PLXNB1: variants seen among roughly 807,000 people sequenced by gnomAD.
The protein encoded by PLXNB1 is plexin B1, also known as plexin-B1.
In PLXNB1, 106 loss-of-function variants were observed where a neutral mutation model predicts 209.4. The observed-to-expected ratio is 0.51, with a 90% CI of 0.43 to 0.59. The LOEUF is 0.59. Ranked by LOEUF, PLXNB1 falls within the 20% of genes least tolerant of loss-of-function variation. PLXNB1 has a pLI of 0.00. For synonymous variants in PLXNB1, 1,167 were observed against 1,183.2 expected (o/e 0.99, Z 0.28); for missense variants, 2,357 against 2,853.2 (o/e 0.83, Z 3.96).
chr3:48,421,962 C>T, intron 6 of PLXNB1, 143 bp downstream of exon 6: 1 of 1,325,086 alleles, frequency 7.5e-7, no homozygotes. Flanking sequence ...ATGCCCAGTG[C>T]AGAGGATGGG....
In PLXNB1 at chr3:48,406,972, C is replaced by A; in HGVS notation, c.6152+55G>T. The A allele has an allele frequency of 6.2e-7, 1 of 1,609,598 alleles. No homozygotes were observed. The highest frequency in any genetic ancestry group is 8.5e-7 in the Non-Finnish European group (1 of 1,175,922). On this transcript the variant is annotated intron_variant, in intron 35 of 37. Transcript: ENST00000296440. This position sits in a 1 kb window ranked among gnomAD's most constrained non-coding sequence, Gnocchi z 4.4. The stretch of plus-strand genomic sequence containing the variant: ...CCCTGCTCCCAACCAGAGCCCACCC[C>A]CCAAGCCTCAGCTGCACACGCCCTC...
chr3:48,415,770 A>T lies in PLXNB1; in HGVS notation c.3618-11T>A, dbSNP rs1333030143. 25 of 1,539,700 alleles carry T rather than the reference A, an allele frequency of 1.6e-5. No homozygotes were observed. Among genetic ancestry groups the T allele is most frequent in the African/African-American group, 2.7e-5 (2 of 72,850 alleles). ...TGCTGCTCCGGCAGCCTGGGAGGGG[A>T]GGTGGGAATGAATGCAGGGGCGCAG... On this transcript the variant is annotated splice_polypyrimidine_tract_variant and intron_variant, in intron 18 of 37. Transcript: ENST00000296440. The surrounding 1 kb of genome is among the most constrained non-coding windows in gnomAD (Gnocchi z 5.0).
rs368207595 is a variant in PLXNB1, at chr3:48,415,370, G to A, written c.3795-23C>T. The A allele has an allele frequency of 1.1e-5, 18 of 1,607,662 alleles. No individual in the cohort carries two copies. The highest frequency in any genetic ancestry group is 3.3e-5 in the Admixed American group (2 of 59,788). On this transcript the variant is annotated intron_variant, in intron 19 of 37. Transcript: ENST00000296440. The surrounding 1 kb of genome is among the most constrained non-coding windows in gnomAD (Gnocchi z 5.0). The stretch of plus-strand genomic sequence containing the variant: ...CCACTGAAACAGACCGTGAGCTTAC[G>A]TAACGTAAGATGGCTTATGTTACCT...
At position 48,413,558 on chromosome 3, in the gene PLXNB1, C is replaced by T. The variant is rs2037845319; in HGVS notation, c.4535+112G>A. ...TTGGCCTGCAAAGCGAAAATATTTA[C>T]TCTCTGGCCATTTACAGAGAATGTT... On this transcript the variant is annotated intron_variant, in intron 23 of 37. Transcript: ENST00000296440. This position sits in a 1 kb window ranked among gnomAD's most constrained non-coding sequence, Gnocchi z 5.4. 1.7e-6 allele frequency: 2 copies of T among 1,171,284 alleles called. No homozygotes were observed. Among genetic ancestry groups the T allele is most frequent in the Non-Finnish European group, 1.2e-6 (1 of 848,160 alleles). 72.6% of individuals were successfully genotyped at this position (1,171,284 alleles called of 1,614,324 possible).
In PLXNB1 at chr3:48,423,941, C is replaced by A; in HGVS notation, c.671G>T (p.Arg224Leu). The change falls in exon 3 of 38, where the codon CGT becomes CTT. Residue 224 changes from arginine (R) to leucine (L), a missense_variant. By Grantham distance (102) the Arg-to-Leu change is moderately radical. Coordinates refer to ENST00000296440, the MANE Select transcript of PLXNB1 (RefSeq NM_001130082.3). Reference sequence around the variant, plus strand: ...GAACAGGAAGTAGGCGCTGGCCCCACGTGCAAAGGCACTCACGAAGTGGTG... The same window carrying A: ...GAACAGGAAGTAGGCGCTGGCCCCAAGTGCAAAGGCACTCACGAAGTGGTG... ...YSHHFVSAFA[R>L]GASAYFLFLR... The A allele has an allele frequency of 6.2e-7, 1 of 1,614,114 alleles. No homozygotes were observed. Among genetic ancestry groups the A allele is most frequent in the Non-Finnish European group, 8.5e-7 (1 of 1,180,016 alleles).
At position 48,423,587 on chromosome 3, in the gene PLXNB1, G is replaced by C. The variant is rs772011479; in HGVS notation, c.1025C>G (p.Thr342Ser). Residue 342 changes from threonine to serine, a missense_variant, in exon 3 of 38, where the codon ACC (threonine) becomes AGC (serine). Coordinates refer to ENST00000296440, the MANE Select transcript of PLXNB1 (RefSeq NM_001130082.3). ...LANRTRDACY[T>S]REGRAEDGTE... ...CCCATCCTCAGCACGACCCTCCCGG[G>C]TGTAGCAGGCATCTCGCGTGCGATT... 1 of 1,614,212 alleles carries C rather than the reference G, an allele frequency of 6.2e-7. No individual in the cohort carries two copies.
rs2037695064 is a variant in PLXNB1, at chr3:48,411,717, C to G, written c.5247+146G>C. On this transcript the variant is annotated intron_variant, in intron 28 of 37. Transcript: ENST00000296440. This position sits in a 1 kb window ranked among gnomAD's most constrained non-coding sequence, Gnocchi z 4.0. ...TCCTGCTAAGCTAGTCTGATGGGCT[C>G]TCTCCAGGAGCCAGCCAGAGGTCAA... 3.5e-6 allele frequency: 3 copies of G among 867,722 alleles called. No homozygotes were observed. The highest frequency in any genetic ancestry group is 7.3e-4 in the Middle Eastern group (2 of 2,742). The allele number at this position is 867,722 out of a possible 1,614,324, so 53.8% of individuals were successfully genotyped here. A position where few individuals can be genotyped will look rare whatever the true frequency, so the allele number is the denominator to read the frequency against.
rs768952215 is a variant in PLXNB1, at chr3:48,423,690, G to A, written c.922C>T (p.Pro308Ser). 1 of 1,613,798 alleles carries A rather than the reference G, an allele frequency of 6.2e-7. No individual in the cohort carries two copies. The highest frequency in any genetic ancestry group is 2.2e-5 in the East Asian group (1 of 44,882). Residue 308 changes from proline to serine, a missense_variant, in exon 3 of 38, where the codon CCC becomes TCC. Coordinates refer to ENST00000296440, the MANE Select transcript of PLXNB1 (RefSeq NM_001130082.3). ...GATGCCCCAGCAGCCGCCGATGGGG[G>A]CCGGCCCACAGTGGGGGGTGCAGCC... ...SSAAPPTVGR[P>S]PSAAAGASGA...
In PLXNB1 at chr3:48,419,758, G is replaced by A. The variant is rs755538005; in HGVS notation, c.2528C>T (p.Thr843Met). Reference sequence around the variant, plus strand: ...CTCGGGCAGCTCGCCGCCTTCTCTCGTGAGCCAGTCCAGGGCGGGCTTCAC... The same window carrying A: ...CTCGGGCAGCTCGCCGCCTTCTCTCATGAGCCAGTCCAGGGCGGGCTTCAC... Reference protein sequence around the residue: ...GSVKPALDWLTREGGELPEAD... With the variant: ...GSVKPALDWLMREGGELPEAD... Residue 843 changes from threonine (T) to methionine (M), a missense_variant, in exon 11 of 38, where the codon ACG becomes ATG. Physicochemically the swap from Thr to Met is moderately conservative, Grantham distance 81 (BLOSUM62 -1). Coordinates refer to ENST00000296440, the MANE Select transcript of PLXNB1 (RefSeq NM_001130082.3). The surrounding 1 kb of genome is among the most constrained non-coding windows in gnomAD (Gnocchi z 5.7). 1.3e-5 allele frequency: 21 copies of A among 1,608,858 alleles called. No homozygotes were observed. Among genetic ancestry groups the A allele is most frequent in the Middle Eastern group, 1.7e-4 (1 of 6,052 alleles).
At position 48,410,144 on chromosome 3, in the gene PLXNB1, C is replaced by A. The variant is rs1364144854; in HGVS notation, c.5606-67G>T. ...ACCTCCCCAGGCCCCCTGTTTCTTG[C>A]CAGCTCTCCCAGGGGTGGGGGCACC... On this transcript the variant is annotated intron_variant, in intron 31 of 37. Coordinates refer to ENST00000296440, the MANE Select transcript of PLXNB1 (RefSeq NM_001130082.3). This position sits in a 1 kb window ranked among gnomAD's most constrained non-coding sequence, Gnocchi z 6.4. The A allele has an allele frequency of 5.3e-6, 8 of 1,505,248 alleles. No individual in the cohort carries two copies. The highest frequency in any genetic ancestry group is 7.2e-6 in the Non-Finnish European group (8 of 1,117,088). The allele number at this position is 1,505,248 out of a possible 1,614,324, so 93.2% of individuals were successfully genotyped here. A position where few individuals can be genotyped will look rare whatever the true frequency, so the allele number is the denominator to read the frequency against.
Position 48,415,402 on chromosome 3 carries a change from A to C in PLXNB1, c.3795-55T>G, listed in dbSNP as rs1438976113. 8 of 1,569,890 alleles carry C rather than the reference A, an allele frequency of 5.1e-6. No homozygotes were observed. The highest frequency in any genetic ancestry group is 7.0e-6 in the Non-Finnish European group (8 of 1,150,052). On this transcript the variant is annotated intron_variant, in intron 19 of 37. Transcript: ENST00000296440. This position sits in a 1 kb window ranked among gnomAD's most constrained non-coding sequence, Gnocchi z 5.0. ...AAGATGGCTTATGTTACCTGGACCT[A>C]AAGCACAGCCCAGTCCCGGCTAGGT...
Position 48,413,273 on chromosome 3 carries a change from A to G in PLXNB1, c.4536-104T>C. On this transcript the variant is annotated intron_variant, in intron 23 of 37. Coordinates refer to ENST00000296440, the MANE Select transcript of PLXNB1 (RefSeq NM_001130082.3). This position sits in a 1 kb window ranked among gnomAD's most constrained non-coding sequence, Gnocchi z 5.4. Reference sequence around the variant, plus strand: ...CCCCGGCCTCATCCAGCACAGTCCAATGCAGCCATGCCAGCCAAGCTCAAG... The same window carrying G: ...CCCCGGCCTCATCCAGCACAGTCCAGTGCAGCCATGCCAGCCAAGCTCAAG... The G allele has an allele frequency of 1.1e-6, 1 of 887,810 alleles. No homozygotes were observed. The highest frequency in any genetic ancestry group is 1.4e-5 in the South Asian group (1 of 70,732). The allele number at this position is 887,810 out of a possible 1,614,324, so 55.0% of individuals were successfully genotyped here.
At position 48,429,235 on chromosome 3, in the gene PLXNB1, C is replaced by T. The variant is rs1175772693; in HGVS notation, c.-60+773G>A. On this transcript the variant is annotated intron_variant, in intron 1 of 37. Transcript: ENST00000296440. This position sits in a 1 kb window ranked among gnomAD's most constrained non-coding sequence, Gnocchi z 6.4. ...GAGCCCCGTTCCTCGCCGCCCTGGC[C>T]CCGAGCCCCGCACTCACCACCCGGC... 1.3e-5 allele frequency: 2 copies of T among 152,028 alleles called. No homozygotes were observed. Among genetic ancestry groups the T allele is most frequent in the Non-Finnish European group, 2.9e-5 (2 of 68,004 alleles). 9.4% of individuals were successfully genotyped at this position (152,028 alleles called of 1,614,324 possible).
rs781248182 is a variant in PLXNB1 at position 48,405,775 on chromosome 3, C to A, written c.6252G>T (p.Ala2084=). 1 of 1,613,540 alleles carries A rather than the reference C, an allele frequency of 6.2e-7. No individual in the cohort carries two copies. Among genetic ancestry groups the A allele is most frequent in the Non-Finnish European group, 8.5e-7 (1 of 1,179,838 alleles). Residue 2084 remains alanine, a synonymous_variant, in exon 37 of 38, where the codon GCG becomes GCT. Coordinates refer to ENST00000296440, the MANE Select transcript of PLXNB1 (RefSeq NM_001130082.3). The surrounding 1 kb of genome is among the most constrained non-coding windows in gnomAD (Gnocchi z 5.0). Reference sequence around the variant, plus strand: ...TGTAGAGTTCATGCAGGGCCACTCGCGCCCCGAGGTCTCCGGAGTAGTTCT... The same window carrying A: ...TGTAGAGTTCATGCAGGGCCACTCGAGCCCCGAGGTCTCCGGAGTAGTTCT... ...LSWNYSGDLG[A]RVALHELYKY...
At position 48,418,552 on chromosome 3, in the gene PLXNB1, T is replaced by C. The variant is rs753861917; in HGVS notation, c.2956-10A>G. 3.1e-5 allele frequency: 49 copies of C among 1,579,760 alleles called. No homozygotes were observed. Among genetic ancestry groups the C allele is most frequent in the Middle Eastern group, 1.7e-4 (1 of 6,022 alleles). ...GAGCCTCATAGCTGAGCTGGAGAAA[T>C]GGGAGTGGGTTCAGAGTCAAGCACT... On this transcript the variant is annotated splice_polypyrimidine_tract_variant and intron_variant, in intron 13 of 37. Transcript: ENST00000296440. The surrounding 1 kb of genome is among the most constrained non-coding windows in gnomAD (Gnocchi z 6.6).
intron 34 of PLXNB1, among the ~76,000 whole-genome samples, chr3:48,408,749 C>G (rs2037467792): frequency 6.6e-6 from 1 of 152,182 alleles, no homozygotes; most frequent in Admixed American, 6.5e-5. Flanking sequence ...ACACCAGACT[C>G]ACCTTCTCCA....
Position 48,411,933 on chromosome 3 carries a change from A to T in PLXNB1, c.5177T>A (p.Val1726Glu), listed in dbSNP as rs752372838. The T allele has an allele frequency of 1.2e-5, 19 of 1,614,160 alleles. No homozygotes were observed. Among genetic ancestry groups the T allele is most frequent in the Non-Finnish European group, 1.6e-5 (19 of 1,180,016 alleles). Residue 1726 changes from valine (V) to glutamate (E), a missense_variant, in exon 28 of 38, where the codon GTG becomes GAG. Val to Glu is a moderately radical substitution (Grantham distance 121). Around this residue, in one of 7 missense-constraint regions of PLXNB1, gnomAD observed 65 missense variants for 127.6 expected, o/e 0.51. Coordinates refer to ENST00000296440, the MANE Select transcript of PLXNB1 (RefSeq NM_001130082.3). This position sits in a 1 kb window ranked among gnomAD's most constrained non-coding sequence, Gnocchi z 4.0. ...CAAGGTGTATTTGGCCTTGCCTGTC[A>T]CACTGTCCACTGGCCCCTTATCCAC... ...HQVDKGPVDS[V>E]TGKAKYTLND...
At position 48,407,069 on chromosome 3, in the gene PLXNB1, A is replaced by G; in HGVS notation, c.6110T>C (p.Leu2037Pro). Residue 2037 changes from leucine (L) to proline (P), a missense_variant, in exon 35 of 38, where the codon CTG becomes CCG. Physicochemically the swap from Leu to Pro is moderately conservative, Grantham distance 98. Transcript: ENST00000296440. ...GTACCGGGGAATGTCCCGTGCATAC[A>G]GAAGTTTGTTGATCGGGGAGTCCTG... Reference protein sequence around the residue: ...LGRDSPINKLLYARDIPRYKR... With the variant: ...LGRDSPINKLPYARDIPRYKR... 3 of 1,614,118 alleles carry G rather than the reference A, an allele frequency of 1.9e-6. No homozygotes were observed. The highest frequency in any genetic ancestry group is 2.5e-6 in the Non-Finnish European group (3 of 1,180,008).
In PLXNB1 at chr3:48,419,186, CAG is replaced by C. The variant is rs1418615550; in HGVS notation, c.2832+56_2832+57del. ...CTCCTCCTGCTCCCCAGGGCTTGTG[CAG>C]AGTTTCTCAACAGCTAAGGAGGCTG... On this transcript the variant is annotated intron_variant, in intron 12 of 37. Coordinates refer to ENST00000296440, the MANE Select transcript of PLXNB1 (RefSeq NM_001130082.3). The surrounding 1 kb of genome is among the most constrained non-coding windows in gnomAD (Gnocchi z 5.7). 17 of 1,548,962 alleles carry C rather than the reference CAG, an allele frequency of 1.1e-5. 1 individual carries two copies. Among genetic ancestry groups the C allele is most frequent in the South Asian group, 4.9e-5 (4 of 81,308 alleles).
Sources: allele counts gnomAD v4.1 joint callset (sites outside exome capture counted in the v4.1 genomes callset), GRCh38; gene constraint gnomAD v4.1.1; regional missense constraint gnomAD v4.1.1; non-coding constraint Gnocchi (gnomAD v3.1); transcripts MANE v1.5; gene names NCBI Gene and HGNC (gene_info 2026-07-23, HGNC 2026-07-21).